The following TEX9 variants were observed in gnomAD, a reference collection of about 807,000 sequenced individuals.
TEX9 encodes testis expressed 9.
TEX9 carries 74 observed loss-of-function variants against 59.6 expected under a neutral mutation model. The observed-to-expected ratio is 1.24, with a 90% CI of 1.03 to 1.51. The LOEUF is 1.51. Ranked by LOEUF, TEX9 falls within the 40% of genes most tolerant of loss-of-function variation. The pLI, the probability that TEX9 is intolerant of heterozygous loss-of-function variation, is 0.00. For missense variants in TEX9, 522 were observed against 447.8 expected, an observed-to-expected ratio of 1.17 and a Z score of -1.49; for synonymous variants, 186 against 152.2, an observed-to-expected ratio of 1.22 and a Z score of -1.64.
At chr15:56,447,120 G>A (rs2050911492), downstream of TEX9, 3 of 523,004 alleles carry the variant, frequency 5.7e-6, no homozygotes, top group Non-Finnish European at 3.4e-6. Context: ...GGGCATTAGG[G>A]CTTACATTTT....
intron 12 of TEX9, among the ~76,000 whole-genome samples, chr15:56,433,459 T>C (rs1269136606): frequency 6.6e-6 from 1 of 152,084 alleles, no homozygotes; most frequent in Non-Finnish European, 1.5e-5. Flanking sequence ...AATGACAGTA[T>C]TATTTATTAG....
Position 56,378,749 on chromosome 15 carries a change from G to T in TEX9, c.184-5203G>T, listed in dbSNP as rs143930904. 7.6e-3 allele frequency among the ~76,000 whole-genome samples: 1,157 copies of T among 151,862 alleles called. 9 individuals carry two copies. Among genetic ancestry groups the T allele is most frequent in the Non-Finnish European group, 0.01 (692 of 67,938 alleles). The stretch of plus-strand genomic sequence containing the variant: ...TCTTCTACTAATTTTGGTTTGGTTT[G>T]TTCTTGCTTTTCTGGTTCTTTAAGA... On this transcript the variant is annotated intron_variant, in intron 3 of 12. Coordinates refer to ENST00000352903, the Ensembl canonical transcript of TEX9.
chr15:56,448,649 G>C (rs1163528265), downstream of TEX9, among the ~76,000 whole-genome samples: 1 of 151,808 alleles, frequency 6.6e-6, no homozygotes, highest in Non-Finnish European at 1.5e-5. Context: ...TGGGCACCTG[G>C]ATTAATTCCA....
chr15:56,422,830 G>A (rs969055662), intron 10 of TEX9, among the ~76,000 whole-genome samples: 4 of 151,762 alleles, frequency 2.6e-5, no homozygotes, highest in African/African-American at 9.7e-5. Context: ...CTAGACCCTG[G>A]CAACCACCAT....
intron 10 of TEX9, among the ~76,000 whole-genome samples, chr15:56,416,067 A>G (rs1047215821): frequency 6.6e-6 from 1 of 151,886 alleles, no homozygotes; most frequent in East Asian, 1.9e-4. Flanking sequence ...ATTTTTGTAC[A>G]TTGATTTTGT....
chr15:56,315,921 C>T (rs1199713124), intron 1 of TEX9, among the ~76,000 whole-genome samples: 18 of 151,512 alleles, frequency 1.2e-4, no homozygotes, highest in African/African-American at 3.6e-4. Flanking sequence ...TCGCTGATAC[C>T]CTTTCTTCCA....
At chr15:56,322,996 T>TA (rs1490680838) in intron 1 of TEX9, among the ~76,000 whole-genome samples, 2 of 151,788 alleles carry the variant, frequency 1.3e-5, no homozygotes, top group African/African-American at 4.8e-5. Context: ...CTAACAAAAA[T>TA]AAAGAACGGA....
At chr15:56,414,396 C>G (rs1266601677) in intron 10 of TEX9, among the ~76,000 whole-genome samples, 12 of 151,548 alleles carry the variant, frequency 7.9e-5, no homozygotes, top group Non-Finnish European at 1.5e-4. Flanking sequence ...CCTTTTTCCA[C>G]CTTCCCCACT....
At chr15:56,401,659 T>A (rs1352060805) in intron 9 of TEX9, among the ~76,000 whole-genome samples, 1 of 152,086 alleles carries the variant, frequency 6.6e-6, no homozygotes, top group Admixed American at 6.5e-5. Context: ...TCTACAGAAC[T>A]CTCCACCCCA....
chr15:56,264,916 G>T (rs556347076), intron 1 of TEX9, among the ~76,000 whole-genome samples: 1 of 152,286 alleles, frequency 6.6e-6, no homozygotes, highest in Non-Finnish European at 1.5e-5. Flanking sequence ...CTGGTTATAT[G>T]TACAAGGGTC....
intron 1 of TEX9, among the ~76,000 whole-genome samples, chr15:56,336,541 G>C (rs2046260761): frequency 6.6e-6 from 1 of 152,148 alleles, no homozygotes; most frequent in Admixed American, 6.5e-5. Context: ...CTCCAGAACT[G>C]TGAGAAATAA....
At chr15:56,356,457 G>A (rs1211035781) in intron 1 of TEX9, among the ~76,000 whole-genome samples, 1 of 151,924 alleles carries the variant, frequency 6.6e-6, no homozygotes, top group Non-Finnish European at 1.5e-5. Context: ...CATTCTTCTG[G>A]TGTTTCAAAA....
At chr15:56,429,069 A>G in intron 12 of TEX9, 2 of 1,446,356 alleles carry the variant, frequency 1.4e-6, no homozygotes, top group Admixed American at 2.0e-5. Context: ...GTAACATGCA[A>G]AAAATCTATG....
At chr15:56,403,319 C>T (rs2048895901) in intron 9 of TEX9, among the ~76,000 whole-genome samples, 1 of 152,226 alleles carries the variant, frequency 6.6e-6, no homozygotes. Context: ...GCAAAAATCA[C>T]AAGCATTCCT....
chr15:56,389,535 T>G (rs899962063), intron 6 of TEX9, 135 bp downstream of exon 6: 8 of 604,010 alleles, frequency 1.3e-5, no homozygotes, highest in Non-Finnish European at 2.3e-5. Flanking sequence ...CACATATATC[T>G]TATCCACATT....
intron 9 of TEX9, among the ~76,000 whole-genome samples, chr15:56,400,078 T>C (rs1312467510): frequency 6.6e-6 from 1 of 152,198 alleles, no homozygotes; most frequent in Non-Finnish European, 1.5e-5. Context: ...CACCTCTTCT[T>C]CTCCAAAGAA....
At chr15:56,365,438 G>A (rs1267803166) in exon 1 of TEX9, 1 of 1,609,068 alleles carries the variant, frequency 6.2e-7, no homozygotes, top group Non-Finnish European at 8.5e-7. Context: ...TAACCGCGTC[G>A]CAGTCGCCGA....
At chr15:56,327,877 C>T (rs1020838109) in intron 1 of TEX9, among the ~76,000 whole-genome samples, 1 of 152,088 alleles carries the variant, frequency 6.6e-6, no homozygotes, top group South Asian at 2.1e-4. Context: ...AAAGTGCTTT[C>T]GGGCCCTAGG....
chr15:56,376,450 A>G (rs1479450113), intron 3 of TEX9, among the ~76,000 whole-genome samples: 1 of 152,028 alleles, frequency 6.6e-6, no homozygotes, highest in East Asian at 1.9e-4. Context: ...GATATAAGCC[A>G]TTTTATCAGA....
Sources: gnomAD v4.1 joint callset for allele counts (sites outside exome capture counted in the v4.1 genomes callset) on GRCh38, gnomAD v4.1.1 for gene constraint, MANE v1.5 for transcripts, NCBI Gene and HGNC (gene_info 2026-07-23, HGNC 2026-07-21) for gene names.